Variants in LARGE1 observed in about 807,000 individuals in gnomAD.
The protein encoded by LARGE1 is xylosyl- and glucuronyltransferase LARGE1.
LARGE1 carries 43 observed loss-of-function variants against 87.6 expected under a neutral mutation model. The ratio of observed to expected loss-of-function variants is 0.49; its 90% CI spans 0.38 to 0.63. LARGE1 has a LOEUF of 0.63. LARGE1 is among the 30% of genes least tolerant of loss of function. The probability of loss-of-function intolerance (pLI) is 0.00; values close to 1 mark genes in which losing one functional copy is unlikely to be tolerated. For missense variants in LARGE1, 802 were observed against 1,000.2 expected (o/e 0.80, Z 2.67); for synonymous variants, 434 against 394.6 (o/e 1.10, Z -1.18).
intron 10 of LARGE1, among the ~76,000 whole-genome samples, chr22:33,334,071 C>T (rs192564339): frequency 8.6e-5 from 13 of 151,582 alleles, no homozygotes; most frequent in Admixed American, 7.9e-4. Flanking sequence ...TGCCATGAGC[C>T]GAGATCGCGG....
intron 2 of LARGE1, chr22:33,725,490 C>G (rs151272447): frequency 6.6e-6 from 1 of 152,346 alleles, no homozygotes; most frequent in Non-Finnish European, 1.5e-5. Context: ...CCTGTCACCA[C>G]TGCTGCATTC....
chr22:33,624,936 G>A (rs2079875260), intron 4 of LARGE1, among the ~76,000 whole-genome samples: 1 of 152,210 alleles, frequency 6.6e-6, no homozygotes, highest in Non-Finnish European at 1.5e-5. Context: ...AGCACTGACT[G>A]CAGATGGGCT....
At chr22:33,581,725 T>C (rs1183352375) in intron 5 of LARGE1, among the ~76,000 whole-genome samples, 1 of 151,212 alleles carries the variant, frequency 6.6e-6, no homozygotes, top group Non-Finnish European at 1.5e-5. Context: ...GGCAGGAGAA[T>C]TGCTTGAACC....
intron 6 of LARGE1, among the ~76,000 whole-genome samples, chr22:33,537,727 C>T (rs1260446247): frequency 6.6e-6 from 1 of 152,088 alleles, no homozygotes; most frequent in Non-Finnish European, 1.5e-5. Flanking sequence ...CCACCATGCC[C>T]AGCAAAATTT....
Position 33,816,408 on chromosome 22 carries a change from C to G in LARGE1, c.-82-54850G>C, listed in dbSNP as rs114945541. Among the ~76,000 whole-genome samples the G allele has an allele frequency of 5.6e-3, 847 of 152,278 alleles. 7 individuals are homozygous for G. Among genetic ancestry groups the G allele is most frequent in the African/African-American group, 0.019 (799 of 41,556 alleles). ...AGCAGATTCAGTGTCTGGTGAGAGTCTGCTTTCTGTTCACAGATGGCCGTC... is the reference window on the plus strand; with the variant it reads ...AGCAGATTCAGTGTCTGGTGAGAGTGTGCTTTCTGTTCACAGATGGCCGTC... On this transcript the variant is annotated intron_variant, in intron 1 of 14. Coordinates refer to ENST00000397394, the MANE Select transcript of LARGE1 (RefSeq NM_133642.5).
chr22:33,522,345 T>G (rs1267245162), intron 6 of LARGE1, among the ~76,000 whole-genome samples: 1 of 152,176 alleles, frequency 6.6e-6, no homozygotes, highest in Non-Finnish European at 1.5e-5. Flanking sequence ...TCATTTGCAC[T>G]CCCACCAGCA....
At chr22:33,269,314 G>A (rs1602176645), downstream of LARGE1, among the ~76,000 whole-genome samples, 1 of 152,150 alleles carries the variant, frequency 6.6e-6, no homozygotes, top group Non-Finnish European at 1.5e-5. Context: ...AACTAAAACC[G>A]TTTCTGTGAA....
chr22:33,636,745 TG>T (rs2080279995), intron 3 of LARGE1, among the ~76,000 whole-genome samples: 1 of 151,956 alleles, frequency 6.6e-6, no homozygotes, highest in African/African-American at 2.4e-5. Flanking sequence ...TTGCCCAGGC[TG>T]GTCTTGAACT....
chr22:33,413,840 A>C (rs2066395817), intron 7 of LARGE1, among the ~76,000 whole-genome samples: 1 of 152,218 alleles, frequency 6.6e-6, no homozygotes, highest in Non-Finnish European at 1.5e-5. Context: ...TGAAGGGTGC[A>C]TGCCATCCAT....
intron 7 of LARGE1, among the ~76,000 whole-genome samples, chr22:33,407,403 T>C (rs2066140679): frequency 6.6e-6 from 1 of 152,248 alleles, no homozygotes; most frequent in Non-Finnish European, 1.5e-5. Flanking sequence ...CCAATGAATG[T>C]ATTAGTCTCA....
intron 11 of LARGE1, among the ~76,000 whole-genome samples, chr22:33,218,329 T>A (rs2146251039): frequency 6.6e-6 from 1 of 152,316 alleles, no homozygotes; most frequent in African/African-American, 2.4e-5. Context: ...ATCCTCTGCA[T>A]ATTTTTTGTC....
chr22:33,870,817 C>T (rs1006131231), intron 1 of LARGE1, among the ~76,000 whole-genome samples: 2 of 152,160 alleles, frequency 1.3e-5, no homozygotes, highest in African/African-American at 4.8e-5. Context: ...ATCCGTTCAC[C>T]TTGGCCTCCC....
At chr22:33,499,664 A>G (rs1440466853) in intron 6 of LARGE1, among the ~76,000 whole-genome samples, 1 of 140,920 alleles carries the variant, frequency 7.1e-6, no homozygotes, top group Non-Finnish European at 1.6e-5. Flanking sequence ...TATGGTAGAG[A>G]TTTTATTGAC....
At chr22:33,346,413 C>T (rs2146688583) in intron 9 of LARGE1, among the ~76,000 whole-genome samples, 1 of 152,240 alleles carries the variant, frequency 6.6e-6, no homozygotes, top group Admixed American at 6.5e-5. Flanking sequence ...AGCGATTCTC[C>T]CGCCTCAGCC....
chr22:33,251,188 C>T (rs957944113), intron 11 of LARGE1, among the ~76,000 whole-genome samples: 1 of 152,164 alleles, frequency 6.6e-6, no homozygotes, highest in African/African-American at 2.4e-5. Context: ...CAAATGCTTC[C>T]AACTTTGGCA....
At chr22:33,829,054 G>A (rs1156772706) in intron 1 of LARGE1, among the ~76,000 whole-genome samples, 2 of 143,542 alleles carry the variant, frequency 1.4e-5, no homozygotes, top group South Asian at 2.2e-4. Flanking sequence ...TGTTGCCCAG[G>A]CTGGAGTGCA....
chr22:33,913,095 A>G (rs2065685068), intron 1 of LARGE1, among the ~76,000 whole-genome samples: 2 of 151,152 alleles, frequency 1.3e-5, no homozygotes, highest in Admixed American at 1.3e-4. Context: ...GCCTCCCAAA[A>G]TTCTGGGATT....
intron 1 of LARGE1, among the ~76,000 whole-genome samples, chr22:33,786,211 A>T (rs1052020796): frequency 6.6e-6 from 1 of 152,228 alleles, no homozygotes; most frequent in African/African-American, 2.4e-5. Context: ...GGCCCTTCTT[A>T]GAAGAAAAAG....
chr22:33,689,231 A>T (rs2082028328), intron 2 of LARGE1, among the ~76,000 whole-genome samples: 1 of 151,082 alleles, frequency 6.6e-6, no homozygotes, highest in East Asian at 2.0e-4. Context: ...GGCTAAGTTT[A>T]TGAGGAGTGC....
Sources: allele counts gnomAD v4.1 joint callset (sites outside exome capture counted in the v4.1 genomes callset), GRCh38; gene constraint gnomAD v4.1.1; transcripts MANE v1.5; gene names NCBI Gene and HGNC (gene_info 2026-07-23, HGNC 2026-07-21).